The following COG6 variants were observed in gnomAD, a reference collection of about 807,000 sequenced individuals.
COG6 encodes conserved oligomeric Golgi complex subunit 6.
In COG6, 74 loss-of-function variants were observed where a neutral mutation model predicts 88.8. The ratio of observed to expected loss-of-function variants is 0.83; its 90% CI spans 0.69 to 1.01. The LOEUF is 1.01. Ranked by LOEUF, COG6 falls within the 50% of genes least tolerant of loss-of-function variation. The probability of loss-of-function intolerance (pLI) is 0.00; values close to 1 mark genes in which losing one functional copy is unlikely to be tolerated. For synonymous variants in COG6, 286 were observed against 278.7 expected (o/e 1.03, Z -0.26); for missense variants, 800 against 797.9 (o/e 1.00, Z -0.03).
chr13:39,770,418 C>T (rs2138176059), intron 18 of COG6, among the ~76,000 whole-genome samples: 1 of 152,300 alleles, frequency 6.6e-6, no homozygotes, highest in Admixed American at 6.5e-5. Flanking sequence ...CTCAAAGTTA[C>T]ATGTTATTTC....
intron 2 of COG6, among the ~76,000 whole-genome samples, chr13:39,659,891 C>G (rs538700627): frequency 6.6e-6 from 1 of 151,998 alleles, no homozygotes; most frequent in Non-Finnish European, 1.5e-5. Context: ...TTTACTATAT[C>G]CTAAAATATG....
At chr13:39,735,764 G>T (rs1879712628) in intron 18 of COG6, among the ~76,000 whole-genome samples, 2 of 129,968 alleles carry the variant, frequency 1.5e-5, no homozygotes, top group African/African-American at 2.9e-5. Context: ...ATGTTTATAA[G>T]ATCTTTTCAC....
intron 13 of COG6, among the ~76,000 whole-genome samples, chr13:39,713,936 G>A (rs576562746): frequency 8.5e-5 from 13 of 152,310 alleles, no homozygotes; most frequent in East Asian, 3.9e-4. Flanking sequence ...AGCTTTAGAA[G>A]TGTGGTTCTT....
intron 7 of COG6, among the ~76,000 whole-genome samples, chr13:39,680,260 C>G (rs1239867196): frequency 3.3e-5 from 5 of 152,152 alleles, no homozygotes; most frequent in Admixed American, 3.3e-4. Context: ...AAACAAACTT[C>G]ACATTTGAGC....
At chr13:39,780,186 A>G (rs1881589040) in intron 18 of COG6, among the ~76,000 whole-genome samples, 1 of 152,250 alleles carries the variant, frequency 6.6e-6, no homozygotes, top group Non-Finnish European at 1.5e-5. Context: ...TACTTTTCTC[A>G]AGTACAGCCG....
Position 39,719,229 on chromosome 13 carries a change from G to C in COG6, c.1285-7G>C. Reference sequence around the variant, plus strand: ...ATAAGGAGTGGGTAAATCATCTCTTGTTTTAGGTTGAACTCCCACCACCTG... The same window carrying C: ...ATAAGGAGTGGGTAAATCATCTCTTCTTTTAGGTTGAACTCCCACCACCTG... On this transcript the variant is annotated splice_region_variant and splice_polypyrimidine_tract_variant and intron_variant, in intron 13 of 18. Coordinates refer to ENST00000455146, the MANE Select transcript of COG6 (RefSeq NM_020751.3). 1 of 1,611,892 alleles carries C rather than the reference G, an allele frequency of 6.2e-7. No homozygotes were observed. The highest frequency in any genetic ancestry group is 8.5e-7 in the Non-Finnish European group (1 of 1,178,548).
rs536880610 is a variant in COG6 at position 39,762,613 on chromosome 13, A to G, written c.1827-25722A>G. ...ATGGATACATGTATCAAAATATCAC[A>G]CTGTACCCCATAAATAAGTACAATT... is the stretch of plus-strand genomic sequence containing the variant. On this transcript the variant is annotated intron_variant, in intron 18 of 18. Coordinates refer to the COG6 transcript ENST00000416691. Among the ~76,000 whole-genome samples the G allele has an allele frequency of 2.3e-4, 34 of 149,472 alleles. 1 individual carries two copies. Among genetic ancestry groups the G allele is most frequent in the South Asian group, 1.7e-3 (8 of 4,664 alleles).
In COG6 at chr13:39,724,559, A is replaced by G. The variant is rs1310078681; in HGVS notation, c.1744A>G (p.Met582Val). The G allele has an allele frequency of 1.3e-6, 2 of 1,590,868 alleles. No individual in the cohort carries two copies. The highest frequency in any genetic ancestry group is 2.2e-5 in the South Asian group (2 of 90,438). Residue 582 changes from methionine to valine, a missense_variant and splice_region_variant, in exon 17 of 19, where the codon ATG becomes GTG. Transcript: ENST00000455146. ...AGATTCTGTGACACTGAAGGCTGCA[A>G]TGGTAAGTGTATAATAAAACATTTT... ...NLDSVTLKAA[M>V]VQFDRYLSAP...
chr13:39,706,282 A>ATATATATATATATATATAT (rs1877919515), intron 13 of COG6, among the ~76,000 whole-genome samples: 1 of 59,730 alleles, frequency 1.7e-5, no homozygotes, highest in Non-Finnish European at 3.8e-5. Context: ...TATATATTTA[A>ATATATATATATATATATAT]ATATATATAG....
At chr13:39,675,130 T>C (rs1437378098) in intron 4 of COG6, among the ~76,000 whole-genome samples, 1 of 152,142 alleles carries the variant, frequency 6.6e-6, no homozygotes, top group Non-Finnish European at 1.5e-5. Context: ...TGCACAAACA[T>C]AATCTTAAAT....
chr13:39,729,023 T>C (rs9548900), intron 18 of COG6, among the ~76,000 whole-genome samples: 63,521 of 152,124 alleles, frequency 0.42, 13,624 homozygotes, highest in Admixed American at 0.57. Flanking sequence ...TTAACTTAAC[T>C]GTGTCTCAGT....
Position 39,746,013 on chromosome 13 carries a change from C to T in COG6, c.1827-4933C>T, listed in dbSNP as rs187847634. Among the ~76,000 whole-genome samples the T allele has an allele frequency of 3.7e-3, 560 of 152,070 alleles. 3 individuals are homozygous for T. Among genetic ancestry groups the T allele is most frequent in the Non-Finnish European group, 5.8e-3 (391 of 67,974 alleles). ...AAACCAAACACCACGTGTTCTCACT[C>T]ATAGGTGGGAACTGAACAATGAGAA... On this transcript the variant is annotated intron_variant, in intron 18 of 18. Transcript: ENST00000455146.
Position 39,655,812 on chromosome 13 carries a change from C to T in COG6, c.86C>T (p.Ala29Val), listed in dbSNP as rs1566165324. The T allele has an allele frequency of 6.2e-7, 1 of 1,600,012 alleles. No homozygotes were observed. The change falls in exon 1 of 19, where the codon GCG (alanine) becomes GTG (valine). Residue 29 changes from alanine (A) to valine (V), a missense_variant. By Grantham distance (64) the Ala-to-Val change is moderately conservative. Coordinates refer to ENST00000455146, the MANE Select transcript of COG6 (RefSeq NM_020751.3). ...GLNNGAGGTS[A>V]TTCNPLSRKL... ...AACAATGGGGCAGGCGGGACCTCGG[C>T]GACGACCTGCAACCCGCTGTCGCGC... is the stretch of plus-strand genomic sequence containing the variant.
At chr13:39,740,512 C>T (rs1288634363) in intron 18 of COG6, among the ~76,000 whole-genome samples, 6 of 152,114 alleles carry the variant, frequency 3.9e-5, no homozygotes, top group African/African-American at 1.4e-4. Context: ...AGAAGTAGAG[C>T]CATGATTTGT....
At chr13:39,783,936 A>T (rs1465312522) in intron 18 of COG6, among the ~76,000 whole-genome samples, 2 of 152,132 alleles carry the variant, frequency 1.3e-5, no homozygotes, top group Non-Finnish European at 2.9e-5. Flanking sequence ...ATCATTTTTC[A>T]TTCTAGCCTA....
At chr13:39,780,200 C>T (rs571237050) in intron 18 of COG6, among the ~76,000 whole-genome samples, 2 of 152,198 alleles carry the variant, frequency 1.3e-5, no homozygotes, top group African/African-American at 4.8e-5. Flanking sequence ...ACAGCCGTCA[C>T]ACCAACAAGC....
chr13:39,788,186 C>CACGT, intron 18 of COG6: 1 of 809,440 alleles, frequency 1.2e-6, no homozygotes, highest in South Asian at 1.5e-5. Context: ...TCCATCTTCA[C>CACGT]ACGTACTCCA....
In COG6 at chr13:39,751,509, A is replaced by G; in HGVS notation, c.*416A>G. ...TAAATGTCTCCTTACCTAAAGATTCATTTGCTTTCTTTTAATATGAGTAGG... is the reference window on the plus strand; with the variant it reads ...TAAATGTCTCCTTACCTAAAGATTCGTTTGCTTTCTTTTAATATGAGTAGG... On this transcript the variant is annotated 3_prime_UTR_variant, in exon 19 of 19. Transcript: ENST00000455146. 7.8e-7 allele frequency: 1 copy of G among 1,279,590 alleles called. No individual in the cohort carries two copies. The highest frequency in any genetic ancestry group is 1.0e-6 in the Non-Finnish European group (1 of 981,708). 79.3% of individuals were successfully genotyped at this position (1,279,590 alleles called of 1,614,324 possible).
At position 39,719,722 on chromosome 13, in the gene COG6, C is replaced by T; in HGVS notation, c.1479C>T (p.Gly493=). 6.2e-7 allele frequency: 1 copy of T among 1,612,344 alleles called. No homozygotes were observed. Among genetic ancestry groups the T allele is most frequent in the Non-Finnish European group, 8.5e-7 (1 of 1,178,648 alleles). The change falls in exon 15 of 19, where the codon GGC becomes GGT. Residue 493 remains glycine, a synonymous_variant. Transcript: ENST00000455146. ...GTACTGTATCAGCCAGCAATTTAGG[C>T]ACAGCTGACATGGCCACTTTCATGG... The part of the protein sequence containing the change: ...QMCTVSASNL[G]TADMATFMVN...
Sources: gnomAD v4.1 joint callset for allele counts (sites outside exome capture counted in the v4.1 genomes callset) on GRCh38, gnomAD v4.1.1 for gene constraint, MANE v1.5 for transcripts, NCBI Gene and HGNC (gene_info 2026-07-23, HGNC 2026-07-21) for gene names.